Variants in TDP1 observed in about 807,000 individuals in gnomAD.
TDP1 encodes tyrosyl-DNA phosphodiesterase 1.
Under a neutral mutation model 81.5 loss-of-function variants are expected in TDP1, and 64 were observed. The observed-to-expected ratio is 0.79, with a 90% CI of 0.64 to 0.97. The LOEUF (loss-of-function observed/expected upper bound fraction) is 0.97. TDP1 is among the 50% of genes least tolerant of loss of function. TDP1 has a pLI of 0.00. For synonymous variants in TDP1, 256 were observed against 264.3 expected (o/e 0.97, Z 0.30); for missense variants, 723 against 743.8 (o/e 0.97, Z 0.33).
At chr14:90,019,007 C>A in intron 14 of TDP1, 2 of 983,486 alleles carry the variant, frequency 2.0e-6, no homozygotes, top group Non-Finnish European at 2.4e-6. Context: ...ACTCCAGGAT[C>A]GTGAAAAGAA....
At chr14:89,987,149 A>C (rs1596561662) in intron 10 of TDP1, 1 of 152,348 alleles carries the variant, frequency 6.6e-6, no homozygotes, top group African/African-American at 2.4e-5. Context: ...AGGAGTCAAA[A>C]TATGTAATCC....
Position 89,963,243 on chromosome 14 carries a change from G to A in TDP1, c.129G>A (p.Glu43=), listed in dbSNP as rs199640249. The change falls in exon 3 of 17, where the codon GAG becomes GAA. Residue 43 remains glutamate (E), a synonymous_variant. Transcript: ENST00000335725. ...LLCARQGAAN[E]PRYTCSEAQK... ...GTGCCAGGCAAGGAGCAGCAAATGA[G>A]CCCAGGTACACCTGTTCCGAGGCCC... 1 of 1,614,132 alleles carries A rather than the reference G, an allele frequency of 6.2e-7. No individual in the cohort carries two copies. The highest frequency in any genetic ancestry group is 1.7e-5 in the Admixed American group (1 of 60,010).
chr14:90,004,840 A>G (rs1287326675), intron 14 of TDP1, among the ~76,000 whole-genome samples: 1 of 152,170 alleles, frequency 6.6e-6, no homozygotes, highest in Non-Finnish European at 1.5e-5. Flanking sequence ...GCTCTCTAGG[A>G]GAGTTAAACA....
In TDP1 at chr14:90,043,055, G is replaced by A. The variant is rs765632429; in HGVS notation, c.1754-15G>A. On this transcript the variant is annotated splice_polypyrimidine_tract_variant and intron_variant, in intron 16 of 16. Coordinates refer to ENST00000335725, the MANE Select transcript of TDP1 (RefSeq NM_018319.4). The stretch of plus-strand genomic sequence containing the variant: ...CCTATTCAAATAAATATTACGTAAT[G>A]TGTTTTTCCCCCAGATCGGCCATGG... The A allele has an allele frequency of 7.4e-6, 12 of 1,614,042 alleles. No individual in the cohort carries two copies. In the Admixed American group the frequency reaches 1.8e-4, roughly 25 times the overall value.
chr14:89,991,844 T>C (rs1566882877), intron 12 of TDP1, 73 bp from the exon 13 acceptor site: 6 of 1,436,444 alleles, frequency 4.2e-6, no homozygotes, highest in African/African-American at 1.4e-5. Context: ...CTGTTTATTG[T>C]AGATTTTCCT....
intron 15 of TDP1, chr14:90,022,783 T>C (rs1033911354): frequency 2.4e-5 from 24 of 985,112 alleles, no homozygotes; most frequent in South Asian, 4.7e-5. Flanking sequence ...AAAATTAACA[T>C]TGATGGTTTT....
At chr14:89,970,750 G>A (rs1893528935) in intron 5 of TDP1, 1 of 920,492 alleles carries the variant, frequency 1.1e-6, no homozygotes, top group Middle Eastern at 5.6e-4. Flanking sequence ...AACTACAAAG[G>A]CCGGAAACAT....
chr14:90,040,522 T>C (rs949729108), intron 16 of TDP1, among the ~76,000 whole-genome samples: 2 of 152,224 alleles, frequency 1.3e-5, no homozygotes, highest in Non-Finnish European at 2.9e-5. Context: ...CTCTGTGGCA[T>C]GCCTGCTTGT....
chr14:89,993,069 A>G (rs909637240), intron 13 of TDP1: 19 of 871,288 alleles, frequency 2.2e-5, no homozygotes, highest in Non-Finnish European at 2.6e-5. Flanking sequence ...GGCAGGAGAC[A>G]TATACACACA....
At chr14:90,027,578 G>T (rs1333018392) in intron 15 of TDP1, among the ~76,000 whole-genome samples, 2 of 152,156 alleles carry the variant, frequency 1.3e-5, no homozygotes, top group Non-Finnish European at 2.9e-5. Context: ...TTGTCTCAGA[G>T]ACTCTGAAGT....
At chr14:90,029,196 T>TA (rs1336074668) in intron 15 of TDP1, among the ~76,000 whole-genome samples, 16 of 118,354 alleles carry the variant, frequency 1.4e-4, no homozygotes, top group African/African-American at 3.8e-4. Flanking sequence ...CTGCCATTAT[T>TA]TTTTTTTTTT....
chr14:89,963,222 C>T lies in TDP1; in HGVS notation c.108C>T (p.Ala36=). 1 of 1,614,142 alleles carries T rather than the reference C, an allele frequency of 6.2e-7. No homozygotes were observed. The highest frequency in any genetic ancestry group is 8.5e-7 in the Non-Finnish European group (1 of 1,180,034). The change falls in exon 3 of 17, where the codon GCC becomes GCT. Residue 36 remains alanine, a synonymous_variant. Transcript: ENST00000335725. ...DKPSTSSLLC[A]RQGAANEPRY... ...CATCTACCTCTTCTCTTCTCTGTGC[C>T]AGGCAAGGAGCAGCAAATGAGCCCA...
chr14:89,995,977 C>T (rs1896618781), intron 14 of TDP1, among the ~76,000 whole-genome samples: 1 of 152,110 alleles, frequency 6.6e-6, no homozygotes, highest in Non-Finnish European at 1.5e-5. Context: ...AGGAAGAGAC[C>T]AATTATGTGC....
chr14:90,017,139 G>A (rs1885407276), intron 14 of TDP1, among the ~76,000 whole-genome samples: 1 of 152,062 alleles, frequency 6.6e-6, no homozygotes, highest in African/African-American at 2.4e-5. Flanking sequence ...AGTTGTGGGA[G>A]CAAGAGACCC....
At chr14:90,013,004 A>T (rs1884896599) in intron 14 of TDP1, among the ~76,000 whole-genome samples, 1 of 152,214 alleles carries the variant, frequency 6.6e-6, no homozygotes, top group Non-Finnish European at 1.5e-5. Flanking sequence ...TGGGGCCTGT[A>T]GCCCCTTTGT....
intron 16 of TDP1, among the ~76,000 whole-genome samples, chr14:90,035,439 C>A (rs914610812): frequency 6.6e-6 from 1 of 151,196 alleles, no homozygotes; most frequent in African/African-American, 2.4e-5. Flanking sequence ...TTAAAGCAGT[C>A]TGTCAGGATC....
At chr14:90,006,164 C>T (rs867122742) in intron 14 of TDP1, among the ~76,000 whole-genome samples, 2 of 152,264 alleles carry the variant, frequency 1.3e-5, no homozygotes, top group Middle Eastern at 3.4e-3. Flanking sequence ...GGTGGTTTGT[C>T]AGACTTTACA....
In TDP1 at chr14:90,043,214, G is replaced by C. The variant is rs1888537550; in HGVS notation, c.*71G>C. The C allele has an allele frequency of 1.9e-6, 3 of 1,589,058 alleles. No homozygotes were observed. The highest frequency in any genetic ancestry group is 2.6e-6 in the Non-Finnish European group (3 of 1,159,296). ...AAACATGGAATCTCTTCTTTGTACT[G>C]GATGTCCACTTCCCTTAAAGTCTTA... On this transcript the variant is annotated 3_prime_UTR_variant, in exon 17 of 17. Coordinates refer to ENST00000335725, the MANE Select transcript of TDP1 (RefSeq NM_018319.4).
At chr14:89,977,496 C>G (rs1471186748) in intron 7 of TDP1, among the ~76,000 whole-genome samples, 1 of 152,160 alleles carries the variant, frequency 6.6e-6, no homozygotes, top group Non-Finnish European at 1.5e-5. Context: ...TGGGGTTTCA[C>G]CATGCTGGCC....
Sources: gnomAD v4.1 joint callset for allele counts (sites outside exome capture counted in the v4.1 genomes callset) on GRCh38, gnomAD v4.1.1 for gene constraint, MANE v1.5 for transcripts, NCBI Gene and HGNC (gene_info 2026-07-23, HGNC 2026-07-21) for gene names.